FAM120B: variants seen among roughly 807,000 people sequenced by gnomAD.
FAM120B encodes the protein constitutive coactivator of peroxisome proliferator-activated receptor gamma.
FAM120B carries 83 observed loss-of-function variants against 96.3 expected under a neutral mutation model. That is an observed-to-expected ratio of 0.86 (90% confidence interval 0.72 to 1.03). FAM120B has a LOEUF of 1.03. Ranked by LOEUF, FAM120B falls within the 50% of genes least tolerant of loss-of-function variation. FAM120B has a pLI of 0.00. For missense variants in FAM120B, 1,027 were observed against 1,121.2 expected (o/e 0.92, Z 1.20); for synonymous variants, 407 against 402.7 (o/e 1.01, Z -0.13).
intron 3 of FAM120B, among the ~76,000 whole-genome samples, chr6:170,323,925 T>TGTTGAATG (rs1053128974): frequency 1.6e-4 from 24 of 152,166 alleles, no homozygotes; most frequent in African/African-American, 5.8e-4. Flanking sequence ...AAACCAGAGA[T>TGTTGAATG]GTTGAATGCA....
rs1387535473 is a variant in FAM120B, at chr6:170,323,106, G to A, written c.1762G>A (p.Glu588Lys). Residue 588 changes from glutamate (E) to lysine (K), a missense_variant, in exon 3 of 11, where the codon GAA (glutamate) becomes AAA (lysine). Physicochemically the swap from Glu to Lys is moderately conservative, Grantham distance 56 (BLOSUM62 1). Around this residue, in one of 3 missense-constraint regions of FAM120B, gnomAD observed 880 missense variants for 980.9 expected, o/e 0.90. Coordinates refer to ENST00000476287, the MANE Select transcript of FAM120B (RefSeq NM_032448.3). ...KVARTHHVQA[E>K]SYLVYNIMSS... ...TGCTAGAACACATCACGTCCAAGCA[G>A]AAAGCTACCTGGTGTACAACATCAT... 2 of 1,613,234 alleles carry A rather than the reference G, an allele frequency of 1.2e-6. No homozygotes were observed. The highest frequency in any genetic ancestry group is 1.3e-5 in the African/African-American group (1 of 74,852).
chr6:170,327,055 T>TC (rs1562530641), intron 3 of FAM120B, among the ~76,000 whole-genome samples: 1 of 150,924 alleles, frequency 6.6e-6, no homozygotes, highest in African/African-American at 2.4e-5. Flanking sequence ...AAACTTGAAT[T>TC]TTTTTTTTTG....
chr6:170,369,781 G>A (rs961638234), intron 6 of FAM120B, among the ~76,000 whole-genome samples: 1 of 146,386 alleles, frequency 6.8e-6, no homozygotes, highest in African/African-American at 2.5e-5. Flanking sequence ...GTATGTCTAT[G>A]TTCTTGGAAT....
intron 6 of FAM120B, among the ~76,000 whole-genome samples, chr6:170,379,128 T>G (rs1789755859): frequency 6.6e-6 from 1 of 152,224 alleles, no homozygotes; most frequent in Non-Finnish European, 1.5e-5. Flanking sequence ...CTGGCTCTGT[T>G]AAAACTAGGC....
At chr6:170,331,151 G>C (rs1786009219) in intron 4 of FAM120B, among the ~76,000 whole-genome samples, 1 of 152,196 alleles carries the variant, frequency 6.6e-6, no homozygotes, top group South Asian at 2.1e-4. Flanking sequence ...CTTTCTTTCT[G>C]TGAGTTCGTA....
In FAM120B at chr6:170,317,808, T is replaced by C; in HGVS notation, c.418T>C (p.Phe140Leu). The change falls in exon 2 of 11, where the codon TTT (phenylalanine) becomes CTT (leucine). Residue 140 changes from phenylalanine to leucine, a missense_variant. This residue lies in a region of FAM120B where 880 missense variants were observed against 980.9 expected (regional missense o/e 0.90). Coordinates refer to ENST00000476287, the MANE Select transcript of FAM120B (RefSeq NM_032448.3). ...CTTCATCCCCTCAGGGCTAGCTGTG[T>C]TTACACGATTTGCTCTAAAGACACT... ...MFFIPSGLAV[F>L]TRFALKTLGQ... The C allele has an allele frequency of 6.2e-7, 1 of 1,614,202 alleles. No individual in the cohort carries two copies. The highest frequency in any genetic ancestry group is 1.1e-5 in the South Asian group (1 of 91,088).
At chr6:170,365,527 T>C (rs1246903660) in intron 6 of FAM120B, among the ~76,000 whole-genome samples, 1 of 152,226 alleles carries the variant, frequency 6.6e-6, no homozygotes, top group African/African-American at 2.4e-5. Flanking sequence ...CTTTTGATGA[T>C]AGCAGATGCT....
rs146735390 is a variant in FAM120B, at chr6:170,301,214, G to A, written c.48+5761G>A. Among the ~76,000 whole-genome samples the A allele has an allele frequency of 3.0e-3, 451 of 152,338 alleles. 1 individual carries two copies. Among genetic ancestry groups the A allele is most frequent in the African/African-American group, 0.01 (433 of 41,572 alleles). ...CCAAACCTCTGTTCTTGTCTTTGGC[G>A]CACCAGCAGGACCAATACCACATGG... On this transcript the variant is annotated intron_variant, in intron 1 of 10. Transcript: ENST00000537664.
chr6:170,336,429 T>G (rs1397438101), intron 4 of FAM120B, among the ~76,000 whole-genome samples: 2 of 152,214 alleles, frequency 1.3e-5, no homozygotes, highest in Non-Finnish European at 2.9e-5. Flanking sequence ...GCTGTTTTGG[T>G]TACTGTAGCC....
At chr6:170,374,212 C>T (rs1789376817) in intron 6 of FAM120B, among the ~76,000 whole-genome samples, 2 of 152,214 alleles carry the variant, frequency 1.3e-5, no homozygotes, top group African/African-American at 4.8e-5. Context: ...ACTGGCTCCT[C>T]GCCCCTCAAA....
chr6:170,377,753 C>T (rs370429732), intron 6 of FAM120B, among the ~76,000 whole-genome samples: 13 of 130,694 alleles, frequency 9.9e-5, no homozygotes, highest in African/African-American at 3.6e-4. Flanking sequence ...CACAGGCTCA[C>T]GCTGCTCTGT....
intron 4 of FAM120B, among the ~76,000 whole-genome samples, chr6:170,336,087 A>G (rs1323385962): frequency 2.0e-5 from 3 of 152,110 alleles, no homozygotes; most frequent in Non-Finnish European, 2.9e-5. Flanking sequence ...TTTTGTCACA[A>G]TTGCTTTTGG....
chr6:170,392,398 G>A (rs1790525677), intron 8 of FAM120B, among the ~76,000 whole-genome samples: 1 of 152,136 alleles, frequency 6.6e-6, no homozygotes, highest in South Asian at 2.1e-4. Flanking sequence ...AGTACAGAAG[G>A]GGTTTCACCA....
intron 6 of FAM120B, among the ~76,000 whole-genome samples, chr6:170,362,457 A>C (rs1583269039): frequency 1.3e-5 from 2 of 152,150 alleles, no homozygotes; most frequent in East Asian, 3.9e-4. Flanking sequence ...CCACTCTCCC[A>C]GTGTTCTGTA....
chr6:170,355,281 G>T (rs1287872923), intron 5 of FAM120B, among the ~76,000 whole-genome samples: 1 of 152,182 alleles, frequency 6.6e-6, no homozygotes, highest in African/African-American at 2.4e-5. Context: ...GTTCACTGCA[G>T]CACTATTCAC....
rs1778785700 is a variant in FAM120B, at chr6:170,405,867, G to A, written c.*1116G>A. The A allele has an allele frequency of 6.6e-6, 1 of 152,208 alleles. No homozygotes were observed. The highest frequency in any genetic ancestry group is 2.4e-5 in the African/African-American group (1 of 41,454). 9.4% of individuals were successfully genotyped at this position (152,208 alleles called of 1,614,324 possible). ...TGGCAGTGCCTGTGAAGACAAGCCT[G>A]GCCCTCCATCCAGTCACACAGGAAA... On this transcript the variant is annotated 3_prime_UTR_variant, in exon 11 of 11. Coordinates refer to ENST00000476287, the MANE Select transcript of FAM120B (RefSeq NM_032448.3).
At chr6:170,375,741 G>A (rs190476213) in intron 6 of FAM120B, among the ~76,000 whole-genome samples, 2 of 152,272 alleles carry the variant, frequency 1.3e-5, no homozygotes, top group South Asian at 2.1e-4. Context: ...AGTACAGCGG[G>A]CGAGAACTGC....
In FAM120B at chr6:170,313,014, G is replaced by A. The variant is rs1307476956; in HGVS notation, c.-21-4356G>A. Among the ~76,000 whole-genome samples the A allele has an allele frequency of 2.6e-5, 4 of 152,140 alleles. No homozygotes were observed. The East Asian group carries it at 5.8e-4, about 22-fold the overall frequency. ...GGCCTGGTAGAGAGGAGGGCTCAAG[G>A]CCCTAGCAAAAGTGTGGTCAAGATG... On this transcript the variant is annotated intron_variant, in intron 1 of 10. Coordinates refer to ENST00000476287, the MANE Select transcript of FAM120B (RefSeq NM_032448.3).
chr6:170,333,166 C>T (rs947819459), intron 4 of FAM120B, among the ~76,000 whole-genome samples: 1 of 149,356 alleles, frequency 6.7e-6, no homozygotes, highest in African/African-American at 2.5e-5. Flanking sequence ...CCCACCGCCC[C>T]CCCGCCCCCC....
Sources: gnomAD v4.1 joint callset for allele counts (sites outside exome capture counted in the v4.1 genomes callset) on GRCh38, gnomAD v4.1.1 for gene constraint, gnomAD v4.1.1 regional missense constraint, MANE v1.5 for transcripts, NCBI Gene and HGNC (gene_info 2026-07-23, HGNC 2026-07-21) for gene names.